The following SLC34A3 variants were observed in gnomAD, a reference collection of about 807,000 sequenced individuals.
The protein encoded by SLC34A3 is sodium-dependent phosphate transport protein 2C.
In SLC34A3, 60 loss-of-function variants were observed where a neutral mutation model predicts 43.9. The ratio of observed to expected loss-of-function variants is 1.37; its 90% confidence interval spans 1.11 to 1.70. The LOEUF (loss-of-function observed/expected upper bound fraction) is 1.70, where lower values mean the gene tolerates loss of function less well. Among genes scored for constraint, SLC34A3 ranks in the 40% most tolerant of loss-of-function variants. The pLI, the probability that SLC34A3 is intolerant of heterozygous loss-of-function variation, is 0.00. For synonymous variants in SLC34A3, 451 were observed against 386.2 expected, an observed-to-expected ratio of 1.17 and a Z score of -1.97; for missense variants, 969 against 823.8, an observed-to-expected ratio of 1.18 and a Z score of -2.16.
intron 12 of SLC34A3, among the ~76,000 whole-genome samples, chr9:137,235,414 T>C (rs1836531014): frequency 6.6e-6 from 1 of 152,170 alleles, no homozygotes; most frequent in Non-Finnish European, 1.5e-5. Flanking sequence ...CTCGTTCTTC[T>C]TGCCTCTGCC....
At chr9:137,233,453 G>A in intron 7 of SLC34A3, 49 bp downstream of exon 7, 1 of 1,589,134 alleles carries the variant, frequency 6.3e-7, no homozygotes. Flanking sequence ...AGGCCGGATG[G>A]GAGGAGGGGA....
chr9:137,230,689 C>T (rs1588838386), upstream of SLC34A3: 1 of 152,354 alleles, frequency 6.6e-6, no homozygotes, highest in Non-Finnish European at 1.5e-5. Flanking sequence ...CAGAGCCCAC[C>T]CCTGGGAGGA....
chr9:137,234,427 C>T lies in SLC34A3; in HGVS notation c.1105C>T (p.Pro369Ser), dbSNP rs775994027. 1.3e-5 allele frequency: 20 copies of T among 1,599,000 alleles called. No individual in the cohort carries two copies. Among genetic ancestry groups the T allele is most frequent in the Non-Finnish European group, 1.7e-5 (20 of 1,179,154 alleles). ...RTVINADFPF[P>S]LGWLGGYLAV... Reference sequence around the variant, plus strand: ...GGCATCCCCCACAGACTTCCCCTTCCCGCTGGGCTGGCTCGGCGGCTACCT... The same window carrying T: ...GGCATCCCCCACAGACTTCCCCTTCTCGCTGGGCTGGCTCGGCGGCTACCT... The change falls in exon 11 of 13, where the codon CCG (proline) becomes TCG (serine). Residue 369 changes from proline to serine, a missense_variant. Transcript: ENST00000673835. The surrounding 1 kb of genome is among the most constrained non-coding windows in gnomAD (Gnocchi z 6.9).
rs1257490639 is a variant in SLC34A3 at position 137,231,947 on chromosome 9, C to T, written c.86-125C>T. 30 of 1,148,592 alleles carry T rather than the reference C, an allele frequency of 2.6e-5. 1 individual carries two copies. The East Asian group carries it at 3.3e-4, about 13-fold the overall frequency. 71.2% of individuals were successfully genotyped at this position (1,148,592 alleles called of 1,614,324 possible). ...AGCCCAGCTGGAGCCCCATCTTCCC[C>T]GTTCCGTTTCTGTCCCTCACTCCAG... On this transcript the variant is annotated intron_variant, in intron 2 of 12. Transcript: ENST00000673835.
Position 137,233,226 on chromosome 9 carries a change from C to T in SLC34A3, c.578C>T (p.Ala193Val), listed in dbSNP as rs113422427. Residue 193 changes from alanine to valine, a missense_variant, in exon 7 of 13, where the codon GCG (alanine) becomes GTG (valine). Ala to Val is a moderately conservative substitution (Grantham distance 64). Coordinates refer to ENST00000673835, the MANE Select transcript of SLC34A3 (RefSeq NM_001177316.2). ...GGCCACAGGGCTTTCAGCGGCTCGG[C>T]GGTGCACGGGATCTTCAACTGGCTC... ...DEFQRAFSGS[A>V]VHGIFNWLTV... is the part of the protein sequence containing the mutation. 4.6e-5 allele frequency: 73 copies of T among 1,574,948 alleles called. No individual in the cohort carries two copies. Among genetic ancestry groups the T allele is most frequent in the African/African-American group, 1.8e-4 (13 of 73,884 alleles).
rs1177226345 is a variant in SLC34A3, at chr9:137,234,371, C to T, written c.1094-45C>T. 4 of 1,595,114 alleles carry T rather than the reference C, an allele frequency of 2.5e-6. No homozygotes were observed. The highest frequency in any genetic ancestry group is 1.7e-4 in the Middle Eastern group (1 of 6,042). On this transcript the variant is annotated intron_variant, in intron 10 of 12. Coordinates refer to ENST00000673835, the MANE Select transcript of SLC34A3 (RefSeq NM_001177316.2). This position sits in a 1 kb window ranked among gnomAD's most constrained non-coding sequence, Gnocchi z 6.9. ...CAGGCTGACTCGGGGGCTACCTGGCCCTCCTTGTGGGCGCTGGCCAGGGCT... is the reference window on the plus strand; with the variant it reads ...CAGGCTGACTCGGGGGCTACCTGGCTCTCCTTGTGGGCGCTGGCCAGGGCT...
chr9:137,235,465 C>T (rs1282546745), intron 12 of SLC34A3, among the ~76,000 whole-genome samples: 2 of 152,172 alleles, frequency 1.3e-5, no homozygotes, highest in Admixed American at 6.5e-5. Flanking sequence ...CAGGGTCCTG[C>T]TCCACCCCCT....
At chr9:137,232,182 G>A (rs1397393462) in intron 3 of SLC34A3, 21 bp downstream of exon 3, 1 of 1,609,422 alleles carries the variant, frequency 6.2e-7, no homozygotes. Flanking sequence ...AGGTTCCGGG[G>A]GTGGCAGGCT....
chr9:137,233,450 A>G (rs1290607602), intron 7 of SLC34A3, 46 bp downstream of exon 7: 3 of 1,590,340 alleles, frequency 1.9e-6, no homozygotes, highest in African/African-American at 1.3e-5. Flanking sequence ...AGCAGGCCGG[A>G]TGGGAGGAGG....
rs770332251 is a variant in SLC34A3 at position 137,234,255 on chromosome 9, G to A, written c.1072G>A (p.Val358Met). The change falls in exon 10 of 13, where the codon GTG becomes ATG. Residue 358 changes from valine (V) to methionine (M), a missense_variant. Coordinates refer to ENST00000673835, the MANE Select transcript of SLC34A3 (RefSeq NM_001177316.2). This position sits in a 1 kb window ranked among gnomAD's most constrained non-coding sequence, Gnocchi z 6.9. ...SVLRGRVAQVVRTVINADFPF... is the reference protein window; with the variant it reads ...SVLRGRVAQVMRTVINADFPF... ...GCTGCGCGGCCGCGTGGCCCAGGTC[G>A]TGAGGACAGTCATCAATGCGGGTGA... The A allele has an allele frequency of 6.3e-5, 102 of 1,610,946 alleles. No individual in the cohort carries two copies. In the Middle Eastern group the frequency reaches 3.6e-3, roughly 57 times the overall value.
chr9:137,231,619 C>A, intron 1 of SLC34A3, 45 bp from the exon 2 acceptor site: 1 of 1,220,902 alleles, frequency 8.2e-7, no homozygotes, highest in Non-Finnish European at 1.2e-6. Context: ...AGGACAGGGC[C>A]GGGGCAGGAG....
upstream of SLC34A3, among the ~76,000 whole-genome samples, chr9:137,230,328 G>A (rs141092369): frequency 3.1e-3 from 467 of 152,282 alleles, 2 homozygotes; most frequent in African/African-American, 9.9e-3. Context: ...GGCCGAGCCC[G>A]CTAGCAGCCT....
At chr9:137,235,883 C>G in intron 12 of SLC34A3, 69 bp from the exon 13 acceptor site, 1 of 1,385,928 alleles carries the variant, frequency 7.2e-7, no homozygotes, top group Non-Finnish European at 1.0e-6. Flanking sequence ...TGGAGGAGGG[C>G]AGGGGTCCGG....
At position 137,233,101 on chromosome 9, in the gene SLC34A3, G is replaced by A; in HGVS notation, c.546G>A (p.Arg182=). 3 of 1,577,518 alleles carry A rather than the reference G, an allele frequency of 1.9e-6. No individual in the cohort carries two copies. The South Asian group carries it at 3.3e-5, about 17-fold the overall frequency. The change falls in exon 6 of 13, where the codon CGG becomes CGA. Residue 182 remains arginine (R), a synonymous_variant. Coordinates refer to ENST00000673835, the MANE Select transcript of SLC34A3 (RefSeq NM_001177316.2). ...TCTCAATGGCGCAGTCAGGGGACCG[G>A]GATGAATTTCAGAGGTGAGTTGTGG... ...TLVSMAQSGD[R]DEFQRAFSGS...
intron 1 of SLC34A3, among the ~76,000 whole-genome samples, chr9:137,231,434 C>G (rs1235646545): frequency 6.6e-6 from 1 of 152,158 alleles, no homozygotes; most frequent in African/African-American, 2.4e-5. Flanking sequence ...GGAGCCCCTT[C>G]GAGTCTACCC....
intron 9 of SLC34A3, 45 bp downstream of exon 9, chr9:137,233,986 C>T: frequency 6.7e-7 from 1 of 1,486,876 alleles, no homozygotes; most frequent in Non-Finnish European, 9.0e-7. Flanking sequence ...CCCACACTCC[C>T]CCTCACCGGC....
intron 8 of SLC34A3, 61 bp downstream of exon 8, chr9:137,233,783 G>GGGTGGCC: frequency 1.4e-6 from 1 of 693,574 alleles, no homozygotes; most frequent in East Asian, 5.5e-5. Flanking sequence ...GAGTCATCCC[G>GGGTGGCC]CCCCACCCAC....
Position 137,236,390 on chromosome 9 carries a change from G to C in SLC34A3, c.1774G>C (p.Glu592Gln). 1 of 1,538,094 alleles carries C rather than the reference G, an allele frequency of 6.5e-7. No homozygotes were observed. Among genetic ancestry groups the C allele is most frequent in the South Asian group, 1.2e-5 (1 of 84,060 alleles). ...AGAGGCCTACTGCTACGAGAACCCTGAGATCTTGGCCTCCCAGCAGTTGTG... is the reference window on the plus strand; with the variant it reads ...AGAGGCCTACTGCTACGAGAACCCTCAGATCTTGGCCTCCCAGCAGTTGTG... Reference protein sequence around the residue: ...TKEAYCYENPEILASQQL With the variant: ...TKEAYCYENPQILASQQL The change falls in exon 13 of 13, where the codon GAG (glutamate) becomes CAG (glutamine). Residue 592 changes from glutamate to glutamine, a missense_variant. Glu to Gln is a conservative substitution (Grantham distance 29, BLOSUM62 2). Transcript: ENST00000673835.
At chr9:137,230,101 C>T (rs1331186443), upstream of SLC34A3, among the ~76,000 whole-genome samples, 1 of 152,158 alleles carries the variant, frequency 6.6e-6, no homozygotes, top group African/African-American at 2.4e-5. Context: ...CCAGCAGCCC[C>T]TGGGCAGGGT....
Sources: gnomAD v4.1 joint callset for allele counts (sites outside exome capture counted in the v4.1 genomes callset) on GRCh38, gnomAD v4.1.1 for gene constraint, Gnocchi (gnomAD v3.1) non-coding constraint, MANE v1.5 for transcripts, NCBI Gene and HGNC (gene_info 2026-07-23, HGNC 2026-07-21) for gene names.